Variants in HNRNPH3 observed in about 807,000 individuals in gnomAD.
HNRNPH3 encodes the protein heterogeneous nuclear ribonucleoprotein H3.
HNRNPH3 carries 7 observed loss-of-function variants against 47.0 expected under a neutral mutation model. The observed-to-expected ratio is 0.15, with a 90% CI of 0.08 to 0.28. The LOEUF (loss-of-function observed/expected upper bound fraction) is 0.28, where lower values mean the gene tolerates loss of function less well. HNRNPH3 is among the 10% of genes least tolerant of loss of function. HNRNPH3 has a pLI of 1.00. For missense variants in HNRNPH3, 279 were observed against 449.6 expected (o/e 0.62, Z 3.43); for synonymous variants, 120 against 143.2 (o/e 0.84, Z 1.16).
intron 4 of HNRNPH3, 198 bp from the exon 5 acceptor site, chr10:68,338,942 A>T: frequency 1.9e-6 from 1 of 516,618 alleles, no homozygotes; most frequent in Non-Finnish European, 3.3e-6. Context: ...AATTTAATTT[A>T]CATGTCTGAA....
At chr10:68,334,141 C>T (rs182898774) in intron 1 of HNRNPH3, among the ~76,000 whole-genome samples, 1 of 152,298 alleles carries the variant, frequency 6.6e-6, no homozygotes, top group East Asian at 1.9e-4. Flanking sequence ...GACCTTACCT[C>T]CTTAAGCTAT....
At chr10:68,334,345 A>G (rs1275640429) in intron 1 of HNRNPH3, among the ~76,000 whole-genome samples, 1 of 152,250 alleles carries the variant, frequency 6.6e-6, no homozygotes, top group African/African-American at 2.4e-5. Flanking sequence ...TTCAGAAGAT[A>G]GGCTATGCCT....
chr10:68,340,432 G>A (rs557966720), intron 6 of HNRNPH3, among the ~76,000 whole-genome samples: 1 of 152,352 alleles, frequency 6.6e-6, no homozygotes, highest in South Asian at 2.1e-4. Flanking sequence ...AACAGGAATA[G>A]ATGCTGCTGT....
intron 3 of HNRNPH3, chr10:68,338,265 T>C (rs1309709508): frequency 1.5e-5 from 7 of 463,670 alleles, no homozygotes; most frequent in Admixed American, 7.5e-5. Context: ...ACCTATTATG[T>C]ACTAAAAGAG....
chr10:68,339,116 T>C (rs201291468), intron 4 of HNRNPH3, 24 bp from the exon 5 acceptor site: 78 of 1,544,866 alleles, frequency 5.0e-5, no homozygotes, highest in Non-Finnish European at 5.6e-5. Context: ...TGTGTAGTCA[T>C]GTGTTTCTCC....
chr10:68,334,736 T>C (rs2045446394), intron 1 of HNRNPH3, among the ~76,000 whole-genome samples: 1 of 152,202 alleles, frequency 6.6e-6, no homozygotes, highest in African/African-American at 2.4e-5. Flanking sequence ...TCCTCATATT[T>C]TAACTGTGGT....
At chr10:68,333,685 A>AT (rs1564747593) in intron 1 of HNRNPH3, among the ~76,000 whole-genome samples, 1 of 152,164 alleles carries the variant, frequency 6.6e-6, no homozygotes, top group South Asian at 2.1e-4. Flanking sequence ...TGGATCCGTA[A>AT]TTTTCATTGA....
chr10:68,341,940 A>G (rs1464729993), intron 9 of HNRNPH3, 38 bp from the exon 10 acceptor site: 1 of 1,603,458 alleles, frequency 6.2e-7, no homozygotes, highest in Admixed American at 1.7e-5. Context: ...TTATGCAGAT[A>G]TCTCCTGCTG....
chr10:68,338,674 T>C lies in HNRNPH3; in HGVS notation c.423T>C (p.Asp141=), dbSNP rs1191936809. The C allele has an allele frequency of 1.9e-6, 3 of 1,592,014 alleles. No homozygotes were observed. The highest frequency in any genetic ancestry group is 4.5e-5 in the East Asian group (2 of 44,230). The part of the protein sequence containing the change: ...SMYDRMRRGG[D]GYDGGYGGFD... ...ATGACAGAATGCGACGAGGAGGTGA[T>C]GGATATGATGGTGGTATGTGTATCT... Residue 141 remains aspartate, a synonymous_variant, in exon 4 of 10, where the codon GAT becomes GAC. Transcript: ENST00000265866.
chr10:68,340,906 G>A (rs746462996), intron 6 of HNRNPH3, among the ~76,000 whole-genome samples: 1 of 151,684 alleles, frequency 6.6e-6, no homozygotes, highest in Non-Finnish European at 1.5e-5. Context: ...GCGTTCAAGC[G>A]ATTCTCTGTC....
At chr10:68,338,238 C>G in intron 3 of HNRNPH3, 1 of 455,218 alleles carries the variant, frequency 2.2e-6, no homozygotes, top group Non-Finnish European at 3.9e-6. Flanking sequence ...TGTATAATCA[C>G]CTATTTCCTT....
chr10:68,341,339 T>C lies in HNRNPH3; in HGVS notation c.775+30T>C, dbSNP rs763246761. 6 of 1,582,670 alleles carry C rather than the reference T, an allele frequency of 3.8e-6. No individual in the cohort carries two copies. The African/African-American group carries it at 4.1e-5, about 11-fold the overall frequency. On this transcript the variant is annotated intron_variant, in intron 7 of 9. Transcript: ENST00000265866. ...GTGGTGTCTTTGGCACACAATCTTATTTCCTAAACGTGAATTTATAAAATA... is the reference window on the plus strand; with the variant it reads ...GTGGTGTCTTTGGCACACAATCTTACTTCCTAAACGTGAATTTATAAAATA...
At position 68,332,104 on chromosome 10, in the gene HNRNPH3, T is replaced by A. The variant is rs2045148817; in HGVS notation, c.-136T>A. On this transcript the variant is annotated 5_prime_UTR_variant, in exon 1 of 10. Transcript: ENST00000265866. ...CAGCTCCCTAAGCGGTTGTCACCGC[T>A]GGAGACGGTTGGGAGAACCGTTGTG... is the stretch of plus-strand genomic sequence containing the variant. 1 of 152,276 alleles carries A rather than the reference T, an allele frequency of 6.6e-6. No individual in the cohort carries two copies. 9.4% of individuals were successfully genotyped at this position (152,276 alleles called of 1,614,324 possible).
intron 1 of HNRNPH3, chr10:68,332,838 G>T (rs1433446164): frequency 1.3e-5 from 2 of 152,414 alleles, no homozygotes; most frequent in Non-Finnish European, 2.9e-5. Flanking sequence ...GATGAGAGAG[G>T]CTGGAGCTGG....
chr10:68,333,771 T>A (rs1429752209), intron 1 of HNRNPH3, among the ~76,000 whole-genome samples: 1 of 152,200 alleles, frequency 6.6e-6, no homozygotes, highest in African/African-American at 2.4e-5. Context: ...ATAAGAATAT[T>A]GTTACCTACT....
rs2045996345 is a variant in HNRNPH3, at chr10:68,342,007, T to C, written c.994T>C (p.Tyr332His). 3 of 1,614,122 alleles carry C rather than the reference T, an allele frequency of 1.9e-6. No homozygotes were observed. Among genetic ancestry groups the C allele is most frequent in the Non-Finnish European group, 2.5e-6 (3 of 1,180,026 alleles). The change falls in exon 10 of 10, where the codon TAT becomes CAT. Residue 332 changes from tyrosine (Y) to histidine (H), a missense_variant. Tyr to His is a moderately conservative substitution (Grantham distance 83, BLOSUM62 2). Transcript: ENST00000265866. ...GRGGGGSGGY[Y>H]GQGGMSGGGW... is the part of the protein sequence containing the mutation. ...TGGTGGTGGAGGCAGTGGAGGTTAC[T>C]ATGGGCAAGGCGGCATGAGTGGAGG...
chr10:68,342,563 T>C lies in HNRNPH3; in HGVS notation c.*509T>C, dbSNP rs763306540. 3.3e-5 allele frequency: 5 copies of C among 152,496 alleles called. No individual in the cohort carries two copies. Among genetic ancestry groups the C allele is most frequent in the Non-Finnish European group, 5.9e-5 (4 of 68,170 alleles). The allele number at this position is 152,496 out of a possible 1,614,324, so 9.4% of individuals were successfully genotyped here. A position where few individuals can be genotyped will look rare whatever the true frequency, so the allele number is the denominator to read the frequency against. ...ATAAATTCAGCTAATTATTTCTATA[T>C]TATTATTTTTCAAATGTCATTTATC... is the stretch of plus-strand genomic sequence containing the variant. On this transcript the variant is annotated 3_prime_UTR_variant, in exon 10 of 10. Transcript: ENST00000265866.
chr10:68,340,015 T>A (rs1417821067), intron 6 of HNRNPH3, among the ~76,000 whole-genome samples: 1 of 151,910 alleles, frequency 6.6e-6, no homozygotes, highest in Non-Finnish European at 1.5e-5. Flanking sequence ...TGTGCTGGTG[T>A]CTTTTGTTGT....
chr10:68,332,512 C>T (rs1038494411), intron 1 of HNRNPH3, among the ~76,000 whole-genome samples: 4 of 152,240 alleles, frequency 2.6e-5, no homozygotes, highest in Admixed American at 1.3e-4. Flanking sequence ...ATTTTGGGTA[C>T]AGTGGCGCGG....
Sources: gnomAD v4.1 joint callset for allele counts (sites outside exome capture counted in the v4.1 genomes callset) on GRCh38, gnomAD v4.1.1 for gene constraint, MANE v1.5 for transcripts, NCBI Gene and HGNC (gene_info 2026-07-23, HGNC 2026-07-21) for gene names.